The following SRCIN1 variants were observed in gnomAD, a reference collection of about 807,000 sequenced individuals.
SRCIN1 encodes the protein SRC kinase signaling inhibitor 1, also known as P130Cas-associated protein.
Under a neutral mutation model 116.2 loss-of-function variants are expected in SRCIN1, and 50 were observed. The ratio of observed to expected loss-of-function variants is 0.43; its 90% CI spans 0.34 to 0.54. The LOEUF (loss-of-function observed/expected upper bound fraction) is 0.54. SRCIN1 is among the 20% of genes least tolerant of loss of function. The probability of loss-of-function intolerance (pLI) is 0.02; values close to 1 mark genes in which losing one functional copy is unlikely to be tolerated. For synonymous variants in SRCIN1, 736 were observed against 750.0 expected, an observed-to-expected ratio of 0.98 and a Z score of 0.30; for missense variants, 1,446 against 1,672.0, an observed-to-expected ratio of 0.86 and a Z score of 2.36.
At chr17:38,545,485 G>C (rs1905023501) in intron 17 of SRCIN1, 1 of 152,858 alleles carries the variant, frequency 6.5e-6, no homozygotes, top group Admixed American at 6.5e-5. Context: ...AGATGAGGAA[G>C]AGTGTGATTC....
At position 38,562,746 on chromosome 17, in the gene SRCIN1, C is replaced by T; in HGVS notation, c.834+81G>A. 1 of 1,286,170 alleles carries T rather than the reference C, an allele frequency of 7.8e-7. No individual in the cohort carries two copies. The highest frequency in any genetic ancestry group is 1.1e-6 in the Non-Finnish European group (1 of 911,448). 79.7% of individuals were successfully genotyped at this position (1,286,170 alleles called of 1,614,324 possible). A position where few individuals can be genotyped will look rare whatever the true frequency, so the allele number is the denominator to read the frequency against. Reference sequence around the variant, plus strand: ...TCTTCTCCAAAGCTGGCCCTGGTTCCAGATGACAACTGCCCAGACCCTGCT... The same window carrying T: ...TCTTCTCCAAAGCTGGCCCTGGTTCTAGATGACAACTGCCCAGACCCTGCT... On this transcript the variant is annotated intron_variant, in intron 6 of 18. Coordinates refer to ENST00000617146, the MANE Select transcript of SRCIN1 (RefSeq NM_025248.3). This position sits in a 1 kb window ranked among gnomAD's most constrained non-coding sequence, Gnocchi z 4.2.
intron 1 of SRCIN1, among the ~76,000 whole-genome samples, chr17:38,593,287 G>A (rs77074101): frequency 8.7e-4 from 133 of 152,314 alleles, no homozygotes; most frequent in African/African-American, 3.1e-3. Context: ...CCACCTGGCT[G>A]CAGCACGGAC....
rs531134591 is a variant in SRCIN1 at position 38,544,055 on chromosome 17, G to A, written c.3271-86C>T. ...CCCTAGCACTGGGTGGGGTCTCGGG[G>A]CTGGGACCTCCTCAGTGGGGCCCTT... On this transcript the variant is annotated intron_variant, in intron 17 of 18. Transcript: ENST00000617146. This position sits in a 1 kb window ranked among gnomAD's most constrained non-coding sequence, Gnocchi z 4.5. The A allele has an allele frequency of 1.2e-5, 18 of 1,455,042 alleles. No individual in the cohort carries two copies. The highest frequency in any genetic ancestry group is 2.5e-5 in the East Asian group (1 of 39,778). The allele number at this position is 1,455,042 out of a possible 1,614,324, so 90.1% of individuals were successfully genotyped here.
chr17:38,558,484 A>G lies in SRCIN1; in HGVS notation c.2026-82T>C. ...GGAAGGGCCGGGAGAAGGCGGGTAG[A>G]GGACTGCCCAATCCAGGGCGGGGCT... On this transcript the variant is annotated intron_variant, in intron 10 of 18. Coordinates refer to ENST00000617146, the MANE Select transcript of SRCIN1 (RefSeq NM_025248.3). The surrounding 1 kb of genome is among the most constrained non-coding windows in gnomAD (Gnocchi z 4.6). The G allele has an allele frequency of 6.8e-7, 1 of 1,463,472 alleles. No homozygotes were observed. The highest frequency in any genetic ancestry group is 1.2e-5 in the South Asian group (1 of 80,554). 90.7% of individuals were successfully genotyped at this position (1,463,472 alleles called of 1,614,324 possible).
At chr17:38,600,249 C>T (rs1555613243) in intron 1 of SRCIN1, among the ~76,000 whole-genome samples, 1 of 152,220 alleles carries the variant, frequency 6.6e-6, no homozygotes, top group Non-Finnish European at 1.5e-5. Flanking sequence ...GGCTATCAAC[C>T]TTTACCCAGC....
chr17:38,542,860 C>T (rs1026555909), intron 18 of SRCIN1: 7 of 339,340 alleles, frequency 2.1e-5, no homozygotes, highest in Non-Finnish European at 4.1e-5. Flanking sequence ...GCCTCTGAGT[C>T]TAGAACCTTC....
Position 38,561,755 on chromosome 17 carries a change from G to A in SRCIN1, c.1408C>T (p.Leu470=). Residue 470 remains leucine, a synonymous_variant, in exon 7 of 19, where the codon CTG becomes TTG. Transcript: ENST00000617146. ...PLYGDGYGFR[L]PPSSPQKLAD... ...AGCTTCTGCGGTGACGAAGGCGGCA[G>A]GCGGAAGCCGTAGCCGTCGCCGTAC... 5 of 1,512,310 alleles carry A rather than the reference G, an allele frequency of 3.3e-6. No homozygotes were observed. The highest frequency in any genetic ancestry group is 4.4e-6 in the Non-Finnish European group (5 of 1,136,096). The allele number at this position is 1,512,310 out of a possible 1,614,324, so 93.7% of individuals were successfully genotyped here.
chr17:38,576,084 A>G lies in SRCIN1; in HGVS notation c.324+2406T>C, dbSNP rs78353033. The stretch of plus-strand genomic sequence containing the variant: ...AGTTCCAAACTCTGTGCTGGTGAAC[A>G]TGCTAGAACATAGGAGGCCCTTAGA... On this transcript the variant is annotated intron_variant, in intron 2 of 18. Transcript: ENST00000617146. 5.4e-4 allele frequency among the ~76,000 whole-genome samples: 82 copies of G among 152,220 alleles called. No homozygotes were observed. In the East Asian group the frequency reaches 0.01, roughly 19 times the overall value.
intron 17 of SRCIN1, among the ~76,000 whole-genome samples, chr17:38,545,970 C>A (rs1399239138): frequency 6.6e-6 from 1 of 152,264 alleles, no homozygotes; most frequent in Non-Finnish European, 1.5e-5. Context: ...TCTACCCCAA[C>A]TTTGTGTGCT....
At chr17:38,576,552 G>A (rs35386964) in intron 2 of SRCIN1, among the ~76,000 whole-genome samples, 12,445 of 152,018 alleles carry the variant, frequency 0.082, 525 homozygotes, top group Middle Eastern at 0.11. Context: ...TGCTGTGACC[G>A]TGCTCAACTC....
Position 38,560,433 on chromosome 17 carries a change from G to C in SRCIN1, c.1701-8C>G. On this transcript the variant is annotated splice_region_variant and splice_polypyrimidine_tract_variant and intron_variant, in intron 7 of 18. Transcript: ENST00000617146. The stretch of plus-strand genomic sequence containing the variant: ...ATGGCCTCCATGCGCTCCCTGGGGA[G>C]GAAGGGGGTCTGGGCAACCTCGCCT... 6.2e-7 allele frequency: 1 copy of C among 1,605,468 alleles called. No individual in the cohort carries two copies. Among genetic ancestry groups the C allele is most frequent in the Non-Finnish European group, 8.5e-7 (1 of 1,176,038 alleles).
chr17:38,536,716 T>G (rs1904403270), intron 18 of SRCIN1, among the ~76,000 whole-genome samples: 1 of 152,130 alleles, frequency 6.6e-6, no homozygotes, highest in African/African-American at 2.4e-5. Flanking sequence ...TATTGAACCA[T>G]CAGGAGAAGC....
At chr17:38,570,360 A>C (rs1194801503) in intron 2 of SRCIN1, among the ~76,000 whole-genome samples, 1 of 151,954 alleles carries the variant, frequency 6.6e-6, no homozygotes. Context: ...ATTCACACTC[A>C]CCCTCAAAAC....
At chr17:38,567,409 C>T (rs1906796077) in intron 3 of SRCIN1, among the ~76,000 whole-genome samples, 1 of 152,176 alleles carries the variant, frequency 6.6e-6, no homozygotes, top group Non-Finnish European at 1.5e-5. Flanking sequence ...TCCAAAGAGG[C>T]TATGCTTGAC....
chr17:38,540,740 G>GGTGTGTGTGTGTGTGTGTGT (rs151164930), intron 18 of SRCIN1, among the ~76,000 whole-genome samples: 2 of 146,760 alleles, frequency 1.4e-5, no homozygotes, highest in African/African-American at 5.1e-5. Flanking sequence ...AGCTGGCAGG[G>GGTGTGTGTGTGTGTGTGTGT]GTGTGTGTGT....
At chr17:38,569,337 C>T (rs1243254996) in intron 2 of SRCIN1, among the ~76,000 whole-genome samples, 6 of 152,224 alleles carry the variant, frequency 3.9e-5, no homozygotes, top group Admixed American at 2.6e-4. Flanking sequence ...GAGACAGAGG[C>T]AGCAGATGGC....
In SRCIN1 at chr17:38,563,946, A is replaced by T; in HGVS notation, c.541+172T>A. On this transcript the variant is annotated intron_variant, in intron 4 of 18. Coordinates refer to ENST00000617146, the MANE Select transcript of SRCIN1 (RefSeq NM_025248.3). The surrounding 1 kb of genome is among the most constrained non-coding windows in gnomAD (Gnocchi z 5.8). Reference sequence around the variant, plus strand: ...GGAAAGGGGTCGGGTGGGGATGCTGAGGGCGAGAGAGAGATGGAGAGAGCT... The same window carrying T: ...GGAAAGGGGTCGGGTGGGGATGCTGTGGGCGAGAGAGAGATGGAGAGAGCT... 1 of 721,688 alleles carries T rather than the reference A, an allele frequency of 1.4e-6. No homozygotes were observed. The highest frequency in any genetic ancestry group is 2.3e-6 in the Non-Finnish European group (1 of 443,638). The allele number at this position is 721,688 out of a possible 1,614,324, so 44.7% of individuals were successfully genotyped here.
chr17:38,559,726 G>A lies in SRCIN1; in HGVS notation c.1884C>T (p.Gly628=), dbSNP rs1597901526. The change falls in exon 10 of 19, where the codon GGC becomes GGT. Residue 628 remains glycine, a synonymous_variant. Coordinates refer to ENST00000617146, the MANE Select transcript of SRCIN1 (RefSeq NM_025248.3). The part of the protein sequence containing the change: ...GRSSGATPVS[G]PPPPSASSTP... ...TGCTGCTGGCCGAGGGCGGGGGCGGGCCGGACACCGGGGTGGCCCCGCTGC... is the reference window on the plus strand; with the variant it reads ...TGCTGCTGGCCGAGGGCGGGGGCGGACCGGACACCGGGGTGGCCCCGCTGC... The A allele has an allele frequency of 1.3e-6, 2 of 1,560,086 alleles. No homozygotes were observed. The highest frequency in any genetic ancestry group is 2.3e-5 in the East Asian group (1 of 43,208).
chr17:38,567,909 G>C (rs1258065889), intron 3 of SRCIN1, among the ~76,000 whole-genome samples: 1 of 152,166 alleles, frequency 6.6e-6, no homozygotes, highest in Non-Finnish European at 1.5e-5. Flanking sequence ...CCAGGCTGGG[G>C]AAAATGTATG....
Sources: gnomAD v4.1 joint callset for allele counts (sites outside exome capture counted in the v4.1 genomes callset) on GRCh38, gnomAD v4.1.1 for gene constraint, Gnocchi (gnomAD v3.1) non-coding constraint, MANE v1.5 for transcripts, NCBI Gene and HGNC (gene_info 2026-07-23, HGNC 2026-07-21) for gene names.